Variants in NFX1 observed in about 807,000 individuals in gnomAD.
NFX1 encodes the protein nuclear transcription factor, X-box binding 1.
Under a neutral mutation model 137.2 loss-of-function variants are expected in NFX1, and 69 were observed. The ratio of observed to expected loss-of-function variants is 0.50; its 90% confidence interval spans 0.41 to 0.61. The LOEUF (loss-of-function observed/expected upper bound fraction) is 0.61. Among genes scored for constraint, NFX1 ranks in the 20% least tolerant of loss-of-function variants. NFX1 has a pLI of 0.00. For synonymous variants in NFX1, 495 were observed against 474.1 expected (o/e 1.04, Z -0.57); for missense variants, 1,167 against 1,391.0 (o/e 0.84, Z 2.56).
At chr9:33,331,947 G>A (rs1000273454) in intron 10 of NFX1, among the ~76,000 whole-genome samples, 11 of 152,090 alleles carry the variant, frequency 7.2e-5, no homozygotes, top group African/African-American at 2.4e-4. Flanking sequence ...CACATGTAGT[G>A]GAAACCAAAC....
At position 33,343,452 on chromosome 9, in the gene NFX1, G is replaced by A. The variant is rs376137574; in HGVS notation, c.2224+598G>A. 7.5e-4 allele frequency among the ~76,000 whole-genome samples: 114 copies of A among 152,218 alleles called. 1 individual carries two copies. In the South Asian group the frequency reaches 0.023, roughly 30 times the overall value. On this transcript the variant is annotated intron_variant, in intron 13 of 23. Transcript: ENST00000379540. ...TATCTACTTCTGCATCCAGTCTGTC[G>A]TGATATAGTTGAGGCATATGAAAAA...
chr9:33,307,252 T>G lies in NFX1; in HGVS notation c.1329T>G (p.Val443=). The change falls in exon 5 of 24, where the codon GTT becomes GTG. Residue 443 remains valine (V), a synonymous_variant. Coordinates refer to ENST00000379540, the MANE Select transcript of NFX1 (RefSeq NM_002504.6). ...AAATTCCACATAGCTGTGGTGAGGT[T>G]TGTAGAAAGAAACAGCCTGGCCAGG... The part of the protein sequence containing the change: ...RNEIPHSCGE[V]CRKKQPGQDC... 6.2e-7 allele frequency: 1 copy of G among 1,614,158 alleles called. No individual in the cohort carries two copies. Among genetic ancestry groups the G allele is most frequent in the Non-Finnish European group, 8.5e-7 (1 of 1,179,992 alleles).
chr9:33,337,183 G>A (rs1823038171), intron 11 of NFX1, among the ~76,000 whole-genome samples: 1 of 152,030 alleles, frequency 6.6e-6, no homozygotes, highest in African/African-American at 2.4e-5. Context: ...CATATCCATG[G>A]GTTCCATATC....
intron 6 of NFX1, among the ~76,000 whole-genome samples, chr9:33,311,778 A>G (rs1821969721): frequency 6.6e-6 from 1 of 152,002 alleles, no homozygotes; most frequent in South Asian, 2.1e-4. Flanking sequence ...GTCTTGAACT[A>G]TTGACTTCGT....
At chr9:33,350,107 C>G (rs911800834) in intron 15 of NFX1, among the ~76,000 whole-genome samples, 74 of 152,096 alleles carry the variant, frequency 4.9e-4, no homozygotes, top group African/African-American at 1.8e-3. Context: ...AGTTGGAGAC[C>G]AGCCTGGCCA....
At chr9:33,342,366 G>A (rs1823259031) in intron 12 of NFX1, among the ~76,000 whole-genome samples, 1 of 151,992 alleles carries the variant, frequency 6.6e-6, no homozygotes, top group Admixed American at 6.6e-5. Context: ...GGAGGCTGAG[G>A]CAGGAGAACG....
intron 1 of NFX1, 37 bp downstream of exon 1, chr9:33,290,634 A>G: frequency 1.3e-6 from 2 of 1,591,522 alleles, no homozygotes; most frequent in Non-Finnish European, 1.7e-6. Flanking sequence ...GGCCCCTTTC[A>G]GGGAGCGGAA....
intron 5 of NFX1, among the ~76,000 whole-genome samples, chr9:33,308,639 C>T (rs912560629): frequency 6.6e-6 from 1 of 152,070 alleles, no homozygotes; most frequent in Non-Finnish European, 1.5e-5. Context: ...TTTATCTAAG[C>T]CTGCATCTGT....
chr9:33,350,780 C>G (rs1823607517), intron 15 of NFX1, among the ~76,000 whole-genome samples: 1 of 152,180 alleles, frequency 6.6e-6, no homozygotes, highest in Non-Finnish European at 1.5e-5. Flanking sequence ...CACTTGAGCC[C>G]AGAAGTTCAA....
At chr9:33,347,600 AC>A in intron 15 of NFX1, 2 of 292,922 alleles carry the variant, frequency 6.8e-6, no homozygotes, top group Admixed American at 4.0e-5. Context: ...AACTAGTACA[AC>A]CACTGTGGAA....
Position 33,341,793 on chromosome 9 carries a change from A to G in NFX1, c.2116-953A>G, listed in dbSNP as rs150094037. Among the ~76,000 whole-genome samples the G allele has an allele frequency of 2.8e-4, 42 of 151,752 alleles. No individual in the cohort carries two copies. In the East Asian group the frequency reaches 8.1e-3, roughly 29 times the overall value. ...AAAAATACAAAAATTAGCCAGTTTC[A>G]TAACCCGGTCTCTAAATAAATAGAT... On this transcript the variant is annotated intron_variant, in intron 12 of 23. Coordinates refer to ENST00000379540, the MANE Select transcript of NFX1 (RefSeq NM_002504.6).
At position 33,350,963 on chromosome 9, in the gene NFX1, A is replaced by G. The variant is rs149537971; in HGVS notation, c.2425-597A>G. On this transcript the variant is annotated intron_variant, in intron 15 of 23. Transcript: ENST00000379540. Reference sequence around the variant, plus strand: ...GAGTTCAAGACCAGCCATCTGGCCAACATGGCGAAACCCCAACTAAAAATA... The same window carrying G: ...GAGTTCAAGACCAGCCATCTGGCCAGCATGGCGAAACCCCAACTAAAAATA... 3.1e-3 allele frequency among the ~76,000 whole-genome samples: 468 copies of G among 152,302 alleles called. 3 individuals carry two copies. Among genetic ancestry groups the G allele is most frequent in the Middle Eastern group, 0.01 (3 of 294 alleles).
At chr9:33,315,941 G>A (rs1035263015) in intron 7 of NFX1, among the ~76,000 whole-genome samples, 8 of 151,542 alleles carry the variant, frequency 5.3e-5, no homozygotes, top group African/African-American at 1.9e-4. Flanking sequence ...GTCTTTTTGT[G>A]GGATCCACGA....
intron 22 of NFX1, 99 bp from the exon 23 acceptor site, chr9:33,367,416 G>C: frequency 1.7e-6 from 2 of 1,169,778 alleles, no homozygotes; most frequent in Non-Finnish European, 2.5e-6. Flanking sequence ...GTGCTCAGTA[G>C]TGTCATAGTG....
rs1388178100 is a variant in NFX1, at chr9:33,350,026, A to G, written c.2425-1534A>G. On this transcript the variant is annotated intron_variant, in intron 15 of 23. Transcript: ENST00000379540. ...TGCCTCAAAAAAAACAAAACAGGCC[A>G]GGCGTGGTTTCTCATGCCTGTAATC... Among the ~76,000 whole-genome samples, 3 of 152,060 alleles carry G rather than the reference A, an allele frequency of 2.0e-5. No individual in the cohort carries two copies. In the East Asian group the frequency reaches 5.8e-4, roughly 29 times the overall value.
At chr9:33,337,643 C>A (rs1823055445) in intron 11 of NFX1, among the ~76,000 whole-genome samples, 2 of 152,142 alleles carry the variant, frequency 1.3e-5, no homozygotes, top group Non-Finnish European at 2.9e-5. Flanking sequence ...ATGGGAGGCT[C>A]ATTTGAGTGC....
intron 19 of NFX1, among the ~76,000 whole-genome samples, chr9:33,359,871 T>G (rs573688483): frequency 1.3e-5 from 2 of 152,362 alleles, no homozygotes; most frequent in South Asian, 4.1e-4. Context: ...TGAAATTTGT[T>G]TAAGATAAAA....
intron 15 of NFX1, chr9:33,348,636 A>G (rs1484982989): frequency 1.4e-5 from 6 of 436,026 alleles, no homozygotes; most frequent in Admixed American, 1.3e-4. Flanking sequence ...AGTGGAACAG[A>G]TAGACTTGCT....
chr9:33,302,528 ATTT>A (rs879769268), intron 3 of NFX1, among the ~76,000 whole-genome samples: 1 of 143,054 alleles, frequency 7.0e-6, no homozygotes, highest in Non-Finnish European at 1.5e-5. Flanking sequence ...CATCCAGCTA[ATTT>A]TTTTTTTTTT....
Sources: allele counts gnomAD v4.1 joint callset (sites outside exome capture counted in the v4.1 genomes callset), GRCh38; gene constraint gnomAD v4.1.1; transcripts MANE v1.5; gene names NCBI Gene and HGNC (gene_info 2026-07-23, HGNC 2026-07-21).